The following PDE8B variants were observed in gnomAD, a reference collection of about 807,000 sequenced individuals.
PDE8B encodes phosphodiesterase 8B, also known as high affinity cAMP-specific and IBMX-insensitive 3',5'-cyclic phosphodiesterase 8B.
PDE8B carries 26 observed loss-of-function variants against 101.3 expected under a neutral mutation model. The ratio of observed to expected loss-of-function variants is 0.26; its 90% confidence interval spans 0.19 to 0.36. The LOEUF (loss-of-function observed/expected upper bound fraction) is 0.36, where lower values mean the gene tolerates loss of function less well. PDE8B is among the 10% of genes least tolerant of loss of function. The pLI is 1.00. For synonymous variants in PDE8B, 424 were observed against 429.3 expected, an observed-to-expected ratio of 0.99 and a Z score of 0.15; for missense variants, 810 against 1,163.1, an observed-to-expected ratio of 0.70 and a Z score of 4.42.
chr5:77,426,442 C>T lies in PDE8B; in HGVS notation c.2549-3C>T. ...TTCTTTTGATTCTTTTCTGTCTTTG[C>T]AGCCTTTGCACATCTGCCAGCCCTG... On this transcript the variant is annotated splice_region_variant and splice_polypyrimidine_tract_variant and intron_variant, in intron 21 of 21. Coordinates refer to ENST00000264917, the MANE Select transcript of PDE8B (RefSeq NM_003719.5). 6.3e-7 allele frequency: 1 copy of T among 1,594,572 alleles called. No individual in the cohort carries two copies. The highest frequency in any genetic ancestry group is 8.6e-7 in the Non-Finnish European group (1 of 1,162,336).
intron 1 of PDE8B, among the ~76,000 whole-genome samples, chr5:77,281,241 G>A (rs1270475813): frequency 6.6e-6 from 1 of 152,184 alleles, no homozygotes; most frequent in East Asian, 1.9e-4. Context: ...GGTACTGAGA[G>A]GGTCTTCCAG....
chr5:77,273,776 A>G (rs914328104), intron 1 of PDE8B, among the ~76,000 whole-genome samples: 2 of 152,098 alleles, frequency 1.3e-5, no homozygotes, highest in African/African-American at 4.8e-5. Context: ...TGGTGAAAAG[A>G]GAGAACTTCC....
At chr5:77,175,288 A>C in the PDE8B span, among the ~76,000 whole-genome samples, 1 of 152,016 alleles carries the variant, frequency 6.6e-6, no homozygotes, top group Non-Finnish European at 1.5e-5. Flanking sequence ...AGGGATTTTC[A>C]GAAAGCAAAT....
At chr5:77,255,510 A>G in intron 1 of PDE8B, among the ~76,000 whole-genome samples, 1 of 152,130 alleles carries the variant, frequency 6.6e-6, no homozygotes, top group East Asian at 1.9e-4. Context: ...ATGTGCCAGG[A>G]CCTTGAAGCC....
Position 77,421,835 on chromosome 5 carries a change from C to A in PDE8B, c.2265C>A (p.Asp755Glu). ...KPMAAEIEGS[D>E]CECNPAGKNF... ...CTGTTTTCCAGATTGAAGGCAGCGA[C>A]TGTGAATGCAACCCTGCTGGGAAGA... Residue 755 changes from aspartate to glutamate, a missense_variant, in exon 20 of 22, where the codon GAC (aspartate) becomes GAA (glutamate). By Grantham distance (45) the Asp-to-Glu change is conservative (BLOSUM62 2). Transcript: ENST00000264917. 1 of 1,614,090 alleles carries A rather than the reference C, an allele frequency of 6.2e-7. No individual in the cohort carries two copies. Among genetic ancestry groups the A allele is most frequent in the East Asian group, 2.2e-5 (1 of 44,878 alleles).
chr5:77,216,280 G>A (rs1749689635), intron 1 of PDE8B, among the ~76,000 whole-genome samples: 1 of 152,202 alleles, frequency 6.6e-6, no homozygotes, highest in African/African-American at 2.4e-5. Context: ...GTTTCACGCT[G>A]CTGATAAAGA....
At chr5:77,315,077 T>G (rs146312963) in intron 2 of PDE8B, among the ~76,000 whole-genome samples, 1 of 152,146 alleles carries the variant, frequency 6.6e-6, no homozygotes, top group Non-Finnish European at 1.5e-5. Flanking sequence ...TTGTTATGAC[T>G]CCTTTGTCAG....
At chr5:77,271,951 G>A (rs1762894410) in intron 1 of PDE8B, among the ~76,000 whole-genome samples, 1 of 152,146 alleles carries the variant, frequency 6.6e-6, no homozygotes, top group Admixed American at 6.5e-5. Context: ...CTCAAAGTGT[G>A]GTCCTCGGAA....
intron 10 of PDE8B, among the ~76,000 whole-genome samples, chr5:77,355,572 G>A (rs1377434033): frequency 6.6e-6 from 1 of 152,192 alleles, no homozygotes; most frequent in Non-Finnish European, 1.5e-5. Context: ...CTTGCCGTCA[G>A]CAAAGATCCC....
At chr5:77,402,986 G>T (rs879826797) in intron 11 of PDE8B, among the ~76,000 whole-genome samples, 11 of 152,228 alleles carry the variant, frequency 7.2e-5, no homozygotes, top group Non-Finnish European at 1.3e-4. Flanking sequence ...TCTGAGAAGC[G>T]CATTCTTCCT....
At chr5:77,398,884 C>T (rs543340643) in intron 10 of PDE8B, among the ~76,000 whole-genome samples, 5 of 152,218 alleles carry the variant, frequency 3.3e-5, no homozygotes, top group Non-Finnish European at 7.3e-5. Context: ...CAGCTCCTGG[C>T]CTGGCTTACC....
At position 77,307,174 on chromosome 5, in the gene PDE8B, T is replaced by C. The variant is rs551178838; in HGVS notation, c.340-4820T>C. On this transcript the variant is annotated intron_variant, in intron 1 of 21. Transcript: ENST00000264917. Reference sequence around the variant, plus strand: ...CACTGCAATCCAGCTCTCTGGACACTTGTTTTCTCCCCACCAGCACCTTCG... The same window carrying C: ...CACTGCAATCCAGCTCTCTGGACACCTGTTTTCTCCCCACCAGCACCTTCG... Among the ~76,000 whole-genome samples the C allele has an allele frequency of 9.5e-4, 144 of 152,270 alleles. 3 individuals carry two copies. In the South Asian group the frequency reaches 0.029, roughly 30 times the overall value.
At chr5:77,134,980 ATGG>A in the PDE8B span, among the ~76,000 whole-genome samples, 1 of 152,184 alleles carries the variant, frequency 6.6e-6, no homozygotes, top group Non-Finnish European at 1.5e-5. Context: ...ATAGTCGGCC[ATGG>A]AAAGCATAGC....
At chr5:77,299,674 G>T (rs1234049056) in intron 1 of PDE8B, among the ~76,000 whole-genome samples, 6 of 151,926 alleles carry the variant, frequency 3.9e-5, no homozygotes, top group African/African-American at 1.5e-4. Context: ...GTCTATCGTT[G>T]TTGGACATTT....
At chr5:77,179,806 C>T in the PDE8B span, among the ~76,000 whole-genome samples, 2 of 152,124 alleles carry the variant, frequency 1.3e-5, no homozygotes, top group Non-Finnish European at 2.9e-5. Flanking sequence ...AGAGATCCTC[C>T]CGCCTTGGCC....
the PDE8B span, among the ~76,000 whole-genome samples, chr5:77,153,950 T>C: frequency 6.6e-6 from 1 of 152,362 alleles, no homozygotes; most frequent in African/African-American, 2.4e-5. Context: ...CCTTTTGCTA[T>C]TGTTTGGGTG....
chr5:77,272,046 T>C (rs909217573), intron 1 of PDE8B, among the ~76,000 whole-genome samples: 2 of 152,192 alleles, frequency 1.3e-5, no homozygotes, highest in African/African-American at 4.8e-5. Flanking sequence ...TGTTTACATA[T>C]GTTTAGGTCT....
the PDE8B span, among the ~76,000 whole-genome samples, chr5:77,178,383 CT>C: frequency 6.6e-6 from 1 of 152,094 alleles, no homozygotes; most frequent in Non-Finnish European, 1.5e-5. Flanking sequence ...TAAAGTTATT[CT>C]TTTGCCTTGC....
At chr5:77,133,837 A>G in the PDE8B span, among the ~76,000 whole-genome samples, 1 of 152,250 alleles carries the variant, frequency 6.6e-6, no homozygotes, top group African/African-American at 2.4e-5. Context: ...AGGGAGCCCA[A>G]GAATTCTGGG....
Sources: gnomAD v4.1 joint callset for allele counts (sites outside exome capture counted in the v4.1 genomes callset) on GRCh38, gnomAD v4.1.1 for gene constraint, MANE v1.5 for transcripts, NCBI Gene and HGNC (gene_info 2026-07-23, HGNC 2026-07-21) for gene names.